Variants in SLC25A26 observed in about 807,000 individuals in gnomAD.
The protein encoded by SLC25A26 is solute carrier family 25 member 26, also known as mitochondrial S-adenosylmethionine carrier protein.
SLC25A26 carries 36 observed loss-of-function variants against 37.8 expected under a neutral mutation model. That is an observed-to-expected ratio of 0.95 (90% CI 0.73 to 1.26). SLC25A26 has a LOEUF of 1.26. SLC25A26 is among the 50% of genes most tolerant of loss of function. The pLI is 0.00. For synonymous variants in SLC25A26, 129 were observed against 122.5 expected (o/e 1.05, Z -0.35); for missense variants, 390 against 331.1 (o/e 1.18, Z -1.38).
At chr3:66,275,808 C>CA (rs1241442262) in intron 5 of SLC25A26, among the ~76,000 whole-genome samples, 1 of 151,914 alleles carries the variant, frequency 6.6e-6, no homozygotes, top group East Asian at 1.9e-4. Flanking sequence ...TTCATATATT[C>CA]AAAACAGTTT....
At chr3:66,174,137 G>T (rs752794478) in intron 1 of SLC25A26, among the ~76,000 whole-genome samples, 1 of 126,094 alleles carries the variant, frequency 7.9e-6, no homozygotes, top group African/African-American at 2.7e-5. Flanking sequence ...GCAGAAAACA[G>T]ATAGGATGCT....
intron 6 of SLC25A26, among the ~76,000 whole-genome samples, chr3:66,357,714 TAAAAA>T (rs879774477): frequency 2.1e-5 from 3 of 144,512 alleles, no homozygotes; most frequent in Non-Finnish European, 4.6e-5. Context: ...GGCAGATTCT[TAAAAA>T]AAAAAAACTT....
At chr3:66,336,341 G>T (rs185925508) in intron 5 of SLC25A26, among the ~76,000 whole-genome samples, 32 of 152,222 alleles carry the variant, frequency 2.1e-4, no homozygotes, top group Non-Finnish European at 3.8e-4. Flanking sequence ...TGTTATCTCA[G>T]TAAAGAGATG....
intron 1 of SLC25A26, among the ~76,000 whole-genome samples, chr3:66,191,759 C>T (rs1226204541): frequency 6.6e-6 from 1 of 151,942 alleles, no homozygotes; most frequent in African/African-American, 2.4e-5. Context: ...GCAGTAGTGG[C>T]ACGTGCCTGT....
Position 66,243,329 on chromosome 3 carries a change from G to T in SLC25A26, c.300+17G>T. The T allele has an allele frequency of 7.4e-7, 1 of 1,346,578 alleles. No individual in the cohort carries two copies. Among genetic ancestry groups the T allele is most frequent in the Non-Finnish European group, 1.1e-6 (1 of 943,702 alleles). The allele number at this position is 1,346,578 out of a possible 1,614,324, so 83.4% of individuals were successfully genotyped here. ...GGAGAAGTGGTAAGTAACAAGTTTT[G>T]TGTATAAAATACTTCAGAAATGCAC... is the stretch of plus-strand genomic sequence containing the variant. On this transcript the variant is annotated intron_variant, in intron 3 of 9. Coordinates refer to ENST00000354883, the MANE Select transcript of SLC25A26 (RefSeq NM_001379210.1).
At chr3:66,340,955 G>C (rs1002219357) in intron 5 of SLC25A26, among the ~76,000 whole-genome samples, 2 of 151,496 alleles carry the variant, frequency 1.3e-5, no homozygotes, top group Non-Finnish European at 2.9e-5. Context: ...GAGAGAGAAT[G>C]TGTGTGTGTG....
chr3:66,175,163 T>C (rs1276117749), intron 1 of SLC25A26, among the ~76,000 whole-genome samples: 3 of 138,554 alleles, frequency 2.2e-5, no homozygotes, highest in Admixed American at 1.5e-4. Flanking sequence ...ACACACACAT[T>C]ATATGTATAT....
At chr3:66,134,659 G>A (rs1340272636) in intron 1 of SLC25A26, among the ~76,000 whole-genome samples, 2 of 152,156 alleles carry the variant, frequency 1.3e-5, no homozygotes, top group Non-Finnish European at 2.9e-5. Flanking sequence ...TTAAGGACTT[G>A]CAAAGGAATG....
At chr3:66,272,350 G>C (rs139614657) in intron 5 of SLC25A26, among the ~76,000 whole-genome samples, 2 of 152,110 alleles carry the variant, frequency 1.3e-5, no homozygotes, top group South Asian at 4.1e-4. Flanking sequence ...TTTTTCTGGG[G>C]AGGAAAATAT....
At chr3:66,267,510 CCCCTGGA>C (rs1238672807) in intron 5 of SLC25A26, among the ~76,000 whole-genome samples, 45 of 152,216 alleles carry the variant, frequency 3.0e-4, no homozygotes, top group Admixed American at 2.6e-3. Context: ...TGACATGTGT[CCCCTGGA>C]GTCTGGAGGA....
intron 5 of SLC25A26, among the ~76,000 whole-genome samples, chr3:66,296,238 A>G (rs1354438348): frequency 6.6e-6 from 1 of 152,216 alleles, no homozygotes; most frequent in Admixed American, 6.5e-5. Flanking sequence ...AAGCATGTGG[A>G]CAGGGATGAA....
At chr3:66,287,112 C>T (rs887893263) in intron 5 of SLC25A26, among the ~76,000 whole-genome samples, 4 of 152,092 alleles carry the variant, frequency 2.6e-5, no homozygotes, top group East Asian at 1.9e-4. Context: ...CTGGCTAACA[C>T]GGAGAAACCC....
chr3:66,142,996 G>A (rs1021413142), intron 1 of SLC25A26, among the ~76,000 whole-genome samples: 1 of 152,106 alleles, frequency 6.6e-6, no homozygotes, highest in East Asian at 1.9e-4. Context: ...TGAACTCCTG[G>A]CCTCAGGCGA....
chr3:66,141,968 C>T (rs2070042437), intron 1 of SLC25A26, among the ~76,000 whole-genome samples: 2 of 152,036 alleles, frequency 1.3e-5, no homozygotes, highest in South Asian at 4.1e-4. Flanking sequence ...TTTATTTTCA[C>T]TTTCCTTTAT....
rs141327145 is a variant in SLC25A26 at position 66,221,164 on chromosome 3, C to T, written c.33+37C>T. ...GCGGTGGGGTGGGTTGCTCAGAGTG[C>T]CGGCGTCCGGCATTGGAGCCCGCGG... On this transcript the variant is annotated intron_variant, in intron 1 of 9. Coordinates refer to ENST00000354883, the MANE Select transcript of SLC25A26 (RefSeq NM_001379210.1). 5,894 of 1,499,026 alleles carry T rather than the reference C, an allele frequency of 3.9e-3. 193 individuals carry two copies. In the African/African-American group the frequency reaches 0.073, roughly 19 times the overall value. The allele number at this position is 1,499,026 out of a possible 1,614,324, so 92.9% of individuals were successfully genotyped here.
intron 5 of SLC25A26, among the ~76,000 whole-genome samples, chr3:66,325,195 A>T (rs1405844661): frequency 6.6e-6 from 1 of 152,212 alleles, no homozygotes; most frequent in South Asian, 2.1e-4. Flanking sequence ...GACGTAAGGC[A>T]TATATTCAGT....
At chr3:66,294,941 A>G (rs904544802) in intron 5 of SLC25A26, among the ~76,000 whole-genome samples, 5 of 152,234 alleles carry the variant, frequency 3.3e-5, no homozygotes, top group African/African-American at 4.8e-5. Context: ...TCTCATTGCA[A>G]TTAAAAAATA....
chr3:66,136,868 C>T (rs1379760301), intron 1 of SLC25A26, among the ~76,000 whole-genome samples: 1 of 152,190 alleles, frequency 6.6e-6, no homozygotes, highest in Non-Finnish European at 1.5e-5. Flanking sequence ...CCCTCTCATA[C>T]TTGCTAGTCT....
At chr3:66,370,856 C>A (rs1700310446) in intron 9 of SLC25A26, among the ~76,000 whole-genome samples, 1 of 152,184 alleles carries the variant, frequency 6.6e-6, no homozygotes, top group Non-Finnish European at 1.5e-5. Context: ...GTGGCTCTCA[C>A]CAGGGTCTGG....
Sources: allele counts gnomAD v4.1 joint callset (sites outside exome capture counted in the v4.1 genomes callset), GRCh38; gene constraint gnomAD v4.1.1; transcripts MANE v1.5; gene names NCBI Gene and HGNC (gene_info 2026-07-23, HGNC 2026-07-21).